The following TOP2B variants were observed in gnomAD, a reference collection of about 807,000 sequenced individuals.
The protein encoded by TOP2B is DNA topoisomerase 2-beta.
In TOP2B, 51 loss-of-function variants were observed where a neutral mutation model predicts 193.5. The ratio of observed to expected loss-of-function variants is 0.26; its 90% confidence interval spans 0.21 to 0.33. The LOEUF (loss-of-function observed/expected upper bound fraction) is 0.33. TOP2B is among the 10% of genes least tolerant of loss of function. The pLI, the probability that TOP2B is intolerant of heterozygous loss-of-function variation, is 1.00. For synonymous variants in TOP2B, 634 were observed against 635.7 expected (o/e 1.00, Z 0.04); for missense variants, 1,378 against 1,909.3 (o/e 0.72, Z 5.19).
At chr3:25,629,558 G>GT (rs1702899400) in intron 13 of TOP2B, among the ~76,000 whole-genome samples, 1 of 152,092 alleles carries the variant, frequency 6.6e-6, no homozygotes, top group South Asian at 2.1e-4. Context: ...ATTAATAGCA[G>GT]TTTTTTCAGT....
In TOP2B at chr3:25,637,203, T is replaced by C. The variant is rs1703128731; in HGVS notation, c.639+12A>G. On this transcript the variant is annotated intron_variant, in intron 6 of 35. Coordinates refer to ENST00000264331, the MANE Select transcript of TOP2B (RefSeq NM_001330700.2). ...TATTTTAAAAAAAGAAATAGATGTG[T>C]TTCTAGCATACCTGCTTAAAACTGT... is the stretch of plus-strand genomic sequence containing the variant. 1.3e-6 allele frequency: 2 copies of C among 1,533,256 alleles called. No individual in the cohort carries two copies. Among genetic ancestry groups the C allele is most frequent in the Non-Finnish European group, 8.8e-7 (1 of 1,131,260 alleles). The allele number at this position is 1,533,256 out of a possible 1,614,324, so 95.0% of individuals were successfully genotyped here.
chr3:25,602,346 A>C (rs1702116500), intron 33 of TOP2B, among the ~76,000 whole-genome samples: 1 of 149,814 alleles, frequency 6.7e-6, no homozygotes, highest in African/African-American at 2.5e-5. Flanking sequence ...GCCGTGAGCC[A>C]AGATCACGCT....
At chr3:25,649,403 C>G (rs138895488) in intron 1 of TOP2B, among the ~76,000 whole-genome samples, 26 of 152,130 alleles carry the variant, frequency 1.7e-4, no homozygotes, top group African/African-American at 6.3e-4. Flanking sequence ...GCTCAAAGAA[C>G]TCCAAGGATA....
intron 35 of TOP2B, among the ~76,000 whole-genome samples, chr3:25,599,164 A>G (rs905596088): frequency 1.3e-5 from 2 of 152,228 alleles, no homozygotes; most frequent in Non-Finnish European, 2.9e-5. Context: ...AGTCTGAAAG[A>G]GTCTAATATT....
intron 6 of TOP2B, 44 bp downstream of exon 6, chr3:25,637,170 TA>T: frequency 7.0e-7 from 1 of 1,419,238 alleles, no homozygotes. Context: ...GGCAAGATAA[TA>T]AAACGTTATT....
chr3:25,616,484 C>G (rs79135073), intron 25 of TOP2B, among the ~76,000 whole-genome samples: 2,414 of 149,262 alleles, frequency 0.016, 55 homozygotes, highest in African/African-American at 0.054. Flanking sequence ...GTACAGTTTA[C>G]GTGTACTTCA....
intron 1 of TOP2B, among the ~76,000 whole-genome samples, chr3:25,657,142 G>T (rs1559511236): frequency 6.6e-6 from 1 of 152,180 alleles, no homozygotes; most frequent in Non-Finnish European, 1.5e-5. Flanking sequence ...AACACAGGAG[G>T]TTCTCCCCTG....
At chr3:25,653,907 A>G (rs994462172) in intron 1 of TOP2B, among the ~76,000 whole-genome samples, 1 of 152,206 alleles carries the variant, frequency 6.6e-6, no homozygotes. Flanking sequence ...AATTCAACAC[A>G]CTTTCCTGAT....
At chr3:25,626,891 C>T (rs752464182) in intron 16 of TOP2B, 27 bp from the exon 17 acceptor site, 1 of 1,349,396 alleles carries the variant, frequency 7.4e-7, no homozygotes, top group Non-Finnish European at 1.0e-6. Flanking sequence ...AACGATTTTG[C>T]ACATTAAAAA....
intron 4 of TOP2B, among the ~76,000 whole-genome samples, chr3:25,638,918 T>C (rs1393721311): frequency 6.6e-6 from 1 of 152,198 alleles, no homozygotes; most frequent in East Asian, 1.9e-4. Context: ...GGAATAAGAA[T>C]ACTGCATTTA....
At chr3:25,663,414 G>C (rs541958028) in intron 1 of TOP2B, among the ~76,000 whole-genome samples, 1 of 152,308 alleles carries the variant, frequency 6.6e-6, no homozygotes, top group Non-Finnish European at 1.5e-5. Context: ...ACTCTACGCT[G>C]AGCAAGTGAA....
chr3:25,630,740 T>C, intron 11 of TOP2B, 61 bp downstream of exon 11: 1 of 1,393,154 alleles, frequency 7.2e-7, no homozygotes, highest in Non-Finnish European at 9.4e-7. Flanking sequence ...AATAAAAAAA[T>C]TCTGTAACTA....
intron 1 of TOP2B, among the ~76,000 whole-genome samples, chr3:25,647,992 C>T (rs1017197828): frequency 3.3e-5 from 5 of 152,290 alleles, no homozygotes; most frequent in Middle Eastern, 6.8e-3. Flanking sequence ...CTCATGTCCT[C>T]CCTCCTATCT....
At chr3:25,604,638 G>C in intron 33 of TOP2B, 122 bp downstream of exon 33, 1 of 760,992 alleles carries the variant, frequency 1.3e-6, no homozygotes, top group Non-Finnish European at 2.1e-6. Context: ...CTCCTTATAA[G>C]CACTTATACT....
intron 10 of TOP2B, among the ~76,000 whole-genome samples, chr3:25,631,602 T>G (rs1391268949): frequency 6.6e-6 from 1 of 152,090 alleles, no homozygotes; most frequent in East Asian, 1.9e-4. Context: ...TTTTCTGGAA[T>G]GTTTAAGACA....
intron 33 of TOP2B, among the ~76,000 whole-genome samples, chr3:25,602,737 T>C (rs1702140734): frequency 6.6e-6 from 1 of 152,154 alleles, no homozygotes; most frequent in African/African-American, 2.4e-5. Flanking sequence ...CTTTTTTTCC[T>C]TGGCTTGGAG....
At chr3:25,657,639 G>C (rs1002430617) in intron 1 of TOP2B, among the ~76,000 whole-genome samples, 3 of 152,168 alleles carry the variant, frequency 2.0e-5, no homozygotes, top group Admixed American at 2.0e-4. Flanking sequence ...ACTCACTTTA[G>C]ACCCAGAAGA....
chr3:25,625,836 T>C (rs1019823191), intron 18 of TOP2B, among the ~76,000 whole-genome samples: 2 of 152,190 alleles, frequency 1.3e-5, no homozygotes, highest in East Asian at 1.9e-4. Flanking sequence ...TTTAAGAATT[T>C]TGTAATCTAA....
In TOP2B at chr3:25,664,488, G is replaced by C. The variant is rs1335063633; in HGVS notation, c.-191C>G. The C allele has an allele frequency of 8.4e-7, 1 of 1,194,168 alleles. No homozygotes were observed. Among genetic ancestry groups the C allele is most frequent in the Non-Finnish European group, 1.0e-6 (1 of 965,076 alleles). 74.0% of individuals were successfully genotyped at this position (1,194,168 alleles called of 1,614,324 possible). ...GCCCGCTGAGGAGGCCGCGCCGCCG[G>C]CTGCCCTCAAACTCGAGGCGCGGCG... On this transcript the variant is annotated 5_prime_UTR_variant, in exon 1 of 36. Coordinates refer to ENST00000264331, the MANE Select transcript of TOP2B (RefSeq NM_001330700.2).
Sources: allele counts gnomAD v4.1 joint callset (sites outside exome capture counted in the v4.1 genomes callset), GRCh38; gene constraint gnomAD v4.1.1; transcripts MANE v1.5; gene names NCBI Gene and HGNC (gene_info 2026-07-23, HGNC 2026-07-21).